The following STXBP3 variants were observed in gnomAD, a reference collection of about 807,000 sequenced individuals.
STXBP3 encodes the protein syntaxin-binding protein 3.
STXBP3 carries 41 observed loss-of-function variants against 85.7 expected under a neutral mutation model. The observed-to-expected ratio is 0.48, with a 90% confidence interval of 0.37 to 0.62. The LOEUF is 0.62. STXBP3 is among the 20% of genes least tolerant of loss of function. The probability of loss-of-function intolerance (pLI) is 0.00; values close to 1 mark genes in which losing one functional copy is unlikely to be tolerated. For synonymous variants in STXBP3, 229 were observed against 231.7 expected (o/e 0.99, Z 0.10); for missense variants, 563 against 703.1 (o/e 0.80, Z 2.25).
chr1:108,778,377 C>T (rs1393566279), intron 8 of STXBP3, among the ~76,000 whole-genome samples: 2 of 152,070 alleles, frequency 1.3e-5, no homozygotes, highest in East Asian at 1.9e-4. Context: ...GTGATGTTTG[C>T]GAATTAATGA....
intron 4 of STXBP3, among the ~76,000 whole-genome samples, chr1:108,758,256 A>C (rs1001292552): frequency 1.4e-5 from 2 of 143,640 alleles, no homozygotes; most frequent in African/African-American, 5.1e-5. Context: ...CTGTTCATAC[A>C]TATTACCTTA....
chr1:108,771,103 A>G lies in STXBP3; in HGVS notation c.439-1562A>G, dbSNP rs371942093. 9.9e-5 allele frequency among the ~76,000 whole-genome samples: 15 copies of G among 151,914 alleles called. No individual in the cohort carries two copies. The East Asian group carries it at 2.5e-3, about 25-fold the overall frequency. On this transcript the variant is annotated intron_variant, in intron 6 of 18. Transcript: ENST00000370008. ...TCTCTGTGCTAGGAGTTAGATTTTT[A>G]TTTTAGTCTATCTCAGATTCCTTCA...
intron 11 of STXBP3, among the ~76,000 whole-genome samples, chr1:108,790,741 TTTAAAAA>T (rs1662957178): frequency 6.6e-6 from 1 of 152,110 alleles, no homozygotes; most frequent in South Asian, 2.1e-4. Flanking sequence ...ATACTGGAAA[TTTAAAAA>T]TGTATTCTTA....
At chr1:108,798,566 C>T (rs923325721) in intron 16 of STXBP3, among the ~76,000 whole-genome samples, 9 of 151,934 alleles carry the variant, frequency 5.9e-5, no homozygotes, top group African/African-American at 2.2e-4. Context: ...CAGGCACACG[C>T]CACCATGCCT....
rs551478707 is a variant in STXBP3, at chr1:108,763,730, C to G, written c.438+3645C>G. Among the ~76,000 whole-genome samples, 18 of 144,002 alleles carry G rather than the reference C, an allele frequency of 1.2e-4. No homozygotes were observed. The South Asian group carries it at 3.0e-3, about 24-fold the overall frequency. 94.5% of individuals were successfully genotyped at this position (144,002 alleles called of 152,430 possible). ...AGCTGGGATTACAGGCATGTGCTACCATGCCCAGCTAATTTTGTATTTTTT... is the reference window on the plus strand; with the variant it reads ...AGCTGGGATTACAGGCATGTGCTACGATGCCCAGCTAATTTTGTATTTTTT... On this transcript the variant is annotated intron_variant, in intron 6 of 18. Coordinates refer to ENST00000370008, the MANE Select transcript of STXBP3 (RefSeq NM_007269.4).
At chr1:108,784,313 TCA>T (rs1373879714) in intron 11 of STXBP3, among the ~76,000 whole-genome samples, 1 of 152,182 alleles carries the variant, frequency 6.6e-6, no homozygotes, top group African/African-American at 2.4e-5. Context: ...TTTAATTGAC[TCA>T]CAGTTCCACA....
In STXBP3 at chr1:108,800,215, C is replaced by T; in HGVS notation, c.1450-5C>T. 3 of 1,598,486 alleles carry T rather than the reference C, an allele frequency of 1.9e-6. No individual in the cohort carries two copies. The highest frequency in any genetic ancestry group is 2.6e-6 in the Non-Finnish European group (3 of 1,166,270). On this transcript the variant is annotated splice_polypyrimidine_tract_variant and splice_region_variant and intron_variant, in intron 16 of 18. Coordinates refer to ENST00000370008, the MANE Select transcript of STXBP3 (RefSeq NM_007269.4). ...ATTGATGGAATTAACTCTTTCCTTC[C>T]TTAGGATGCTATTGATAATAGATTA...
At chr1:108,790,632 A>T (rs918900517) in intron 11 of STXBP3, among the ~76,000 whole-genome samples, 1 of 151,730 alleles carries the variant, frequency 6.6e-6, no homozygotes, top group East Asian at 1.9e-4. Flanking sequence ...TTTATATTCT[A>T]TTCTTTTCCT....
chr1:108,806,630 C>T (rs1393228665), intron 17 of STXBP3, among the ~76,000 whole-genome samples: 2 of 152,136 alleles, frequency 1.3e-5, no homozygotes, highest in Admixed American at 6.6e-5. Context: ...TAACAGCCAA[C>T]CTCCTACCAT....
At chr1:108,772,603 AAT>A in intron 6 of STXBP3, 60 bp from the exon 7 acceptor site, 1 of 764,434 alleles carries the variant, frequency 1.3e-6, no homozygotes, top group African/African-American at 1.9e-5. Flanking sequence ...CATAAATATA[AAT>A]ATATATTTTT....
At chr1:108,793,157 A>ATT (rs745652259) in intron 11 of STXBP3, among the ~76,000 whole-genome samples, 1,945 of 67,532 alleles carry the variant, frequency 0.029, 198 homozygotes, top group Non-Finnish European at 0.039. Context: ...TCTTATCTCC[A>ATT]TTTTTTTTTT....
In STXBP3 at chr1:108,773,502, A is replaced by G. The variant is rs188759711; in HGVS notation, c.593+683A>G. 2.4e-3 allele frequency among the ~76,000 whole-genome samples: 369 copies of G among 152,314 alleles called. 7 individuals carry two copies. The highest frequency in any genetic ancestry group is 5.3e-4 in the Non-Finnish European group (36 of 68,026). ...AATATTAAACATTGAAAGAAATGTG[A>G]CTATATGTACATTTAAGAAAGATTA... On this transcript the variant is annotated intron_variant, in intron 7 of 18. Transcript: ENST00000370008.
chr1:108,789,747 A>G (rs1229270143), intron 11 of STXBP3, among the ~76,000 whole-genome samples: 1 of 152,168 alleles, frequency 6.6e-6, no homozygotes, highest in Non-Finnish European at 1.5e-5. Flanking sequence ...ACTATATGAC[A>G]TCAGTCTTTT....
intron 6 of STXBP3, among the ~76,000 whole-genome samples, chr1:108,771,900 A>G (rs1373044955): frequency 1.5e-5 from 1 of 65,456 alleles, no homozygotes; most frequent in African/African-American, 6.8e-5. Flanking sequence ...ATCTATCTAT[A>G]TATCATATAT....
chr1:108,800,857 T>G (rs969014107), intron 17 of STXBP3, among the ~76,000 whole-genome samples: 2 of 152,244 alleles, frequency 1.3e-5, no homozygotes, highest in African/African-American at 4.8e-5. Flanking sequence ...AACTGTGTTG[T>G]GTCTAGGTAT....
At chr1:108,757,849 A>G (rs1334509870) in intron 4 of STXBP3, among the ~76,000 whole-genome samples, 2 of 152,094 alleles carry the variant, frequency 1.3e-5, no homozygotes, top group African/African-American at 4.8e-5. Flanking sequence ...ATAATAGACC[A>G]TATGATGATA....
chr1:108,808,858 C>G lies in STXBP3; in HGVS notation c.1760C>G (p.Ser587Cys), dbSNP rs781446173. The change falls in exon 19 of 19, where the codon TCC (serine) becomes TGC (cysteine). Residue 587 changes from serine to cysteine, a missense_variant. Ser to Cys is a moderately radical substitution (Grantham distance 112, BLOSUM62 -1). Transcript: ENST00000370008. The stretch of plus-strand genomic sequence containing the variant: ...CTGAATAAACCCAAGGATAAAGTCT[C>G]CTTAATTAAAGATGAATAGCATTTC... The part of the protein sequence containing the change: ...KMLNKPKDKV[S>C]LIKDE The G allele has an allele frequency of 2.8e-5, 45 of 1,609,696 alleles. No homozygotes were observed. The highest frequency in any genetic ancestry group is 3.6e-5 in the Non-Finnish European group (43 of 1,178,214).
At chr1:108,748,748 C>G (rs1661845439) in intron 1 of STXBP3, among the ~76,000 whole-genome samples, 2 of 151,794 alleles carry the variant, frequency 1.3e-5, no homozygotes, top group Admixed American at 1.3e-4. Flanking sequence ...GGGAGGATCG[C>G]TGGAGCCTGG....
chr1:108,801,670 T>A (rs1663236023), intron 17 of STXBP3, among the ~76,000 whole-genome samples: 2 of 151,892 alleles, frequency 1.3e-5, no homozygotes, highest in Middle Eastern at 3.4e-3. Flanking sequence ...TTTTTTTTTT[T>A]TTTAAATAGA....
Sources: allele counts gnomAD v4.1 joint callset (sites outside exome capture counted in the v4.1 genomes callset), GRCh38; gene constraint gnomAD v4.1.1; transcripts MANE v1.5; gene names NCBI Gene and HGNC (gene_info 2026-07-23, HGNC 2026-07-21).